The following GPR158 variants were observed in gnomAD, a reference collection of about 807,000 sequenced individuals.
GPR158 encodes metabotropic glycine receptor.
Under a neutral mutation model 78.2 loss-of-function variants are expected in GPR158, and 30 were observed. The observed-to-expected ratio is 0.38, with a 90% CI of 0.29 to 0.52. GPR158 has a LOEUF of 0.52. GPR158 is among the 20% of genes least tolerant of loss of function. The probability of loss-of-function intolerance (pLI) is 0.83; values close to 1 mark genes in which losing one functional copy is unlikely to be tolerated. For synonymous variants in GPR158, 581 were observed against 591.1 expected (o/e 0.98, Z 0.25); for missense variants, 1,463 against 1,523.5 (o/e 0.96, Z 0.66).
chr10:25,488,972 A>C lies in GPR158; in HGVS notation c.1404+22253A>C, dbSNP rs188634921. ...AAACTATGATTTTACTCTAGGATGCATTACCCTTGCCATGGGCTTTTTGTA... is the reference window on the plus strand; with the variant it reads ...AAACTATGATTTTACTCTAGGATGCCTTACCCTTGCCATGGGCTTTTTGTA... On this transcript the variant is annotated intron_variant, in intron 5 of 10. Transcript: ENST00000376351. Among the ~76,000 whole-genome samples the C allele has an allele frequency of 1.8e-4, 28 of 152,270 alleles. No homozygotes were observed. In the East Asian group the frequency reaches 5.0e-3, roughly 27 times the overall value.
intron 5 of GPR158, among the ~76,000 whole-genome samples, chr10:25,546,152 C>T (rs2130708177): frequency 6.6e-6 from 1 of 152,258 alleles, no homozygotes; most frequent in East Asian, 1.9e-4. Context: ...AAGCAGTAGG[C>T]ATTGTGTCTG....
At position 25,515,373 on chromosome 10, in the gene GPR158, CT is replaced by C. The variant is rs563932242; in HGVS notation, c.1405-35592del. Among the ~76,000 whole-genome samples, 374 of 144,952 alleles carry C rather than the reference CT, an allele frequency of 2.6e-3. 3 individuals carry two copies. Among genetic ancestry groups the C allele is most frequent in the South Asian group, 0.012 (56 of 4,570 alleles). Reference sequence around the variant, plus strand: ...TGTTTTTAATTTATGTTATCTATTTCTTTTTTTTTTTATACTTTAAGTTTTA... The same window carrying C: ...TGTTTTTAATTTATGTTATCTATTTCTTTTTTTTTTATACTTTAAGTTTTA... On this transcript the variant is annotated intron_variant, in intron 5 of 10. Coordinates refer to ENST00000376351, the MANE Select transcript of GPR158 (RefSeq NM_020752.3).
At chr10:25,523,997 T>C (rs748052423) in intron 5 of GPR158, among the ~76,000 whole-genome samples, 1 of 151,866 alleles carries the variant, frequency 6.6e-6, no homozygotes, top group Non-Finnish European at 1.5e-5. Context: ...GAATACGAGA[T>C]CAGAATATAA....
chr10:25,437,601 TAG>T (rs1835014000), intron 4 of GPR158, among the ~76,000 whole-genome samples: 1 of 152,180 alleles, frequency 6.6e-6, no homozygotes. Flanking sequence ...AATACAATAT[TAG>T]ATCATGCCCT....
At chr10:25,315,809 C>A (rs921555197) in intron 2 of GPR158, among the ~76,000 whole-genome samples, 89 of 151,796 alleles carry the variant, frequency 5.9e-4, no homozygotes, top group African/African-American at 2.0e-3. Flanking sequence ...GTTAAAACAC[C>A]TTTTGAAATG....
At chr10:25,195,712 CTCT>C (rs1300861136) in intron 1 of GPR158, among the ~76,000 whole-genome samples, 2 of 152,206 alleles carry the variant, frequency 1.3e-5, no homozygotes, top group Admixed American at 6.5e-5. Flanking sequence ...AAAATTCTTC[CTCT>C]TCTTTTTCTT....
chr10:25,192,678 A>G (rs957478288), intron 1 of GPR158, among the ~76,000 whole-genome samples: 10 of 152,310 alleles, frequency 6.6e-5, no homozygotes, highest in African/African-American at 2.2e-4. Context: ...AAAAGTTATA[A>G]TGTATTGTCT....
intron 2 of GPR158, among the ~76,000 whole-genome samples, chr10:25,238,807 T>G (rs1287432069): frequency 6.6e-6 from 1 of 152,216 alleles, no homozygotes; most frequent in Non-Finnish European, 1.5e-5. Flanking sequence ...ATGATCACAT[T>G]TAGGTTTCTT....
chr10:25,429,770 T>A (rs1834873525), intron 4 of GPR158, among the ~76,000 whole-genome samples: 1 of 141,464 alleles, frequency 7.1e-6, no homozygotes, highest in Non-Finnish European at 1.5e-5. Context: ...CACATGACTA[T>A]CTCAATAGAT....
intron 2 of GPR158, among the ~76,000 whole-genome samples, chr10:25,304,701 C>T (rs577316784): frequency 3.3e-5 from 5 of 152,060 alleles, no homozygotes; most frequent in South Asian, 4.1e-4. Context: ...TGAGGATCGA[C>T]GAACTTAAGC....
At chr10:25,201,260 T>G (rs1277516906) in intron 1 of GPR158, among the ~76,000 whole-genome samples, 1 of 152,142 alleles carries the variant, frequency 6.6e-6, no homozygotes, top group African/African-American at 2.4e-5. Context: ...ATTCTTTTTG[T>G]GGGAATTGTG....
chr10:25,310,595 C>G (rs1400626906), intron 2 of GPR158, among the ~76,000 whole-genome samples: 1 of 151,934 alleles, frequency 6.6e-6, no homozygotes. Flanking sequence ...TATTATATCA[C>G]TTTTAATTTT....
chr10:25,598,703 A>T lies in GPR158; in HGVS notation c.3077A>T (p.Gln1026Leu). The T allele has an allele frequency of 6.2e-7, 1 of 1,614,012 alleles. No homozygotes were observed. The highest frequency in any genetic ancestry group is 8.5e-7 in the Non-Finnish European group (1 of 1,179,980). ...CCTGTGCCTTCAGAATCAAAAGTTC[A>T]AAAGCACGTATCTATTGTGGCTTCT... Reference protein sequence around the residue: ...PGPVPSESKVQKHVSIVASEM... With the variant: ...PGPVPSESKVLKHVSIVASEM... Residue 1026 changes from glutamine to leucine, a missense_variant, in exon 11 of 11, where the codon CAA becomes CTA. By Grantham distance (113) the Gln-to-Leu change is moderately radical. Coordinates refer to ENST00000376351, the MANE Select transcript of GPR158 (RefSeq NM_020752.3).
intron 2 of GPR158, among the ~76,000 whole-genome samples, chr10:25,310,612 C>G (rs546176511): frequency 6.6e-6 from 1 of 152,012 alleles, no homozygotes; most frequent in African/African-American, 2.4e-5. Flanking sequence ...TTTTTAAGAG[C>G]ACTTTATTTA....
chr10:25,593,946 T>C (rs1837371085), intron 8 of GPR158, among the ~76,000 whole-genome samples: 1 of 152,102 alleles, frequency 6.6e-6, no homozygotes, highest in South Asian at 2.1e-4. Flanking sequence ...CTGATAACTC[T>C]ACAAATTTGT....
chr10:25,466,241 A>G (rs900906383), intron 4 of GPR158: 1 of 158,700 alleles, frequency 6.3e-6, no homozygotes. Context: ...GTATTTGTCT[A>G]ATCAAGCTGT....
At chr10:25,219,216 G>A (rs1044769642) in intron 1 of GPR158, among the ~76,000 whole-genome samples, 3 of 152,168 alleles carry the variant, frequency 2.0e-5, no homozygotes, top group Non-Finnish European at 2.9e-5. Flanking sequence ...CTAGAATTTA[G>A]CATCTACTGT....
chr10:25,460,589 C>T (rs1005772372), intron 4 of GPR158, among the ~76,000 whole-genome samples: 2 of 152,164 alleles, frequency 1.3e-5, no homozygotes, highest in African/African-American at 4.8e-5. Context: ...ACTACCTCTC[C>T]TTCAAAGATA....
chr10:25,207,589 A>G (rs983572025), intron 1 of GPR158, among the ~76,000 whole-genome samples: 2 of 152,226 alleles, frequency 1.3e-5, no homozygotes, highest in Admixed American at 1.3e-4. Flanking sequence ...ATCGAATGCC[A>G]CCGCTGATCT....
Sources: gnomAD v4.1 joint callset for allele counts (sites outside exome capture counted in the v4.1 genomes callset) on GRCh38, gnomAD v4.1.1 for gene constraint, MANE v1.5 for transcripts, NCBI Gene and HGNC (gene_info 2026-07-23, HGNC 2026-07-21) for gene names.